L3MBTL1: variants seen among roughly 807,000 people sequenced by gnomAD.
L3MBTL1 encodes lethal(3)malignant brain tumor-like protein 1.
In L3MBTL1, 75 loss-of-function variants were observed where a neutral mutation model predicts 105.3. The ratio of observed to expected loss-of-function variants is 0.71; its 90% CI spans 0.59 to 0.86. The LOEUF (loss-of-function observed/expected upper bound fraction) is 0.86, where lower values mean the gene tolerates loss of function less well. Among genes scored for constraint, L3MBTL1 ranks in the 40% least tolerant of loss-of-function variants. L3MBTL1 has a pLI of 0.00. For synonymous variants in L3MBTL1, 452 were observed against 436.2 expected (o/e 1.04, Z -0.45); for missense variants, 1,069 against 1,126.4 (o/e 0.95, Z 0.73).
At chr20:43,549,541 C>A (rs1385886779) in exon 19 of L3MBTL1, 1 of 152,322 alleles carries the variant, frequency 6.6e-6, no homozygotes, top group African/African-American at 2.4e-5. Flanking sequence ...CCAGCTTCCA[C>A]TGAGTCACTG....
In L3MBTL1 at chr20:43,541,366, T is replaced by C. The variant is rs1274598805; in HGVS notation, c.*238T>C. 1.4e-6 allele frequency: 1 copy of C among 704,514 alleles called. No individual in the cohort carries two copies. Among genetic ancestry groups the C allele is most frequent in the South Asian group, 2.1e-5 (1 of 47,662 alleles). The allele number at this position is 704,514 out of a possible 1,614,324, so 43.6% of individuals were successfully genotyped here. ...AGCCTACATCTTCTTGTCTGTAAAATGGAGATAAAATGGGTTTAATGAGGT... is the reference window on the plus strand; with the variant it reads ...AGCCTACATCTTCTTGTCTGTAAAACGGAGATAAAATGGGTTTAATGAGGT... On this transcript the variant is annotated 3_prime_UTR_variant, in exon 22 of 22. Coordinates refer to ENST00000418998, the MANE Select transcript of L3MBTL1 (RefSeq NM_001377303.1).
At chr20:43,548,255 G>C in exon 19 of L3MBTL1, 2 of 1,302,376 alleles carry the variant, frequency 1.5e-6, no homozygotes, top group South Asian at 1.2e-5. Flanking sequence ...ACTGGCCCAG[G>C]GCTGGGCCCT....
chr20:43,537,571 T>C (rs75426927), intron 19 of L3MBTL1, among the ~76,000 whole-genome samples: 179 of 152,292 alleles, frequency 1.2e-3, no homozygotes, highest in African/African-American at 3.9e-3. Flanking sequence ...CTTCAGCATA[T>C]GAATTTTGCG....
chr20:43,545,541 G>C (rs1331141405), downstream of L3MBTL1, among the ~76,000 whole-genome samples: 1 of 152,164 alleles, frequency 6.6e-6, no homozygotes, highest in African/African-American at 2.4e-5. Flanking sequence ...CAGTGTCTCA[G>C]GCAAGCAGTA....
chr20:43,513,722 G>A (rs1274270341), intron 2 of L3MBTL1, 83 bp downstream of exon 2: 3 of 1,544,284 alleles, frequency 1.9e-6, no homozygotes, highest in South Asian at 2.4e-5. Context: ...GAGAGGGGAT[G>A]ACCGTTTTCA....
chr20:43,547,605 GC>G, intron 18 of L3MBTL1, among the ~76,000 whole-genome samples: 1 of 152,136 alleles, frequency 6.6e-6, no homozygotes, highest in South Asian at 2.1e-4. Flanking sequence ...GTCTCCCCCT[GC>G]CCCCCTCTGC....
chr20:43,520,034 C>T lies in L3MBTL1; in HGVS notation c.862+3857C>T, dbSNP rs528662287. On this transcript the variant is annotated intron_variant, in intron 7 of 21. Coordinates refer to ENST00000418998, the MANE Select transcript of L3MBTL1 (RefSeq NM_001377303.1). ...CAGAGTTCTGTAACCATCACCAAAA[C>T]ATTTCCATCACTCCCAAAAGAAGTC... is the stretch of plus-strand genomic sequence containing the variant. 2.0e-5 allele frequency among the ~76,000 whole-genome samples: 3 copies of T among 152,226 alleles called. No individual in the cohort carries two copies. The South Asian group carries it at 6.2e-4, about 32-fold the overall frequency.
rs1176856356 is a variant in L3MBTL1, at chr20:43,522,457, G to GTTTTTTTTTTTTTTT, written c.863-6183_863-6169dup. Among the ~76,000 whole-genome samples, 32 of 95,872 alleles carry GTTTTTTTTTTTTTTT rather than the reference G, an allele frequency of 3.3e-4. 7 individuals carry two copies. Among genetic ancestry groups the GTTTTTTTTTTTTTTT allele is most frequent in the East Asian group, 1.9e-3 (5 of 2,654 alleles). 62.9% of individuals were successfully genotyped at this position (95,872 alleles called of 152,430 possible). A position where few individuals can be genotyped will look rare whatever the true frequency, so the allele number is the denominator to read the frequency against. Reference sequence around the variant, plus strand: ...TGGTAACTGAATTTTTCCCTGCTAAGTTTTTTTTTTTTTTTTTTTTTTTTT... The same window carrying GTTTTTTTTTTTTTTT: ...TGGTAACTGAATTTTTCCCTGCTAAGTTTTTTTTTTTTTTTTTTTTTTTTTTTTTTTTTTTTTTTT... On this transcript the variant is annotated intron_variant, in intron 7 of 21. Coordinates refer to ENST00000418998, the MANE Select transcript of L3MBTL1 (RefSeq NM_001377303.1).
At chr20:43,512,490 C>A (rs1336212349) in intron 1 of L3MBTL1, among the ~76,000 whole-genome samples, 1 of 152,200 alleles carries the variant, frequency 6.6e-6, no homozygotes, top group African/African-American at 2.4e-5. Context: ...GGACTACAGG[C>A]ATGCACCACT....
At chr20:43,525,035 A>T (rs574758134) in intron 7 of L3MBTL1, among the ~76,000 whole-genome samples, 1 of 152,232 alleles carries the variant, frequency 6.6e-6, no homozygotes, top group Admixed American at 6.5e-5. Flanking sequence ...AAGCAAGGAC[A>T]GTAAATGTGG....
chr20:43,536,535 G>A, intron 19 of L3MBTL1, 77 bp downstream of exon 19: 1 of 1,523,718 alleles, frequency 6.6e-7, no homozygotes, highest in South Asian at 1.1e-5. Flanking sequence ...GGTGGGATGA[G>A]ACAGATTTCC....
intron 6 of L3MBTL1, 63 bp from the exon 7 acceptor site, chr20:43,516,030 G>T: frequency 7.7e-7 from 1 of 1,300,470 alleles, no homozygotes; most frequent in South Asian, 1.2e-5. Flanking sequence ...GCCAGGATCA[G>T]ACCCTAGGGC....
At position 43,533,942 on chromosome 20, in the gene L3MBTL1, C is replaced by T. The variant is rs568504809; in HGVS notation, c.1514-66C>T. The T allele has an allele frequency of 1.3e-5, 15 of 1,133,660 alleles. No homozygotes were observed. In the Admixed American group the frequency reaches 2.0e-4, roughly 15 times the overall value. 70.2% of individuals were successfully genotyped at this position (1,133,660 alleles called of 1,614,324 possible). A position where few individuals can be genotyped will look rare whatever the true frequency, so the allele number is the denominator to read the frequency against. Reference sequence around the variant, plus strand: ...TGTCCCTTCCATGTTCCTGGTCCTGCTTGGGGGCAGAGGGCTTCCGCAGTA... The same window carrying T: ...TGTCCCTTCCATGTTCCTGGTCCTGTTTGGGGGCAGAGGGCTTCCGCAGTA... On this transcript the variant is annotated intron_variant, in intron 13 of 21. Coordinates refer to ENST00000418998, the MANE Select transcript of L3MBTL1 (RefSeq NM_001377303.1).
downstream of L3MBTL1, among the ~76,000 whole-genome samples, chr20:43,543,366 G>A (rs1431145730): frequency 1.3e-5 from 2 of 152,202 alleles, no homozygotes; most frequent in Non-Finnish European, 2.9e-5. Context: ...GTCTTCGAAT[G>A]TAGTTGTTCA....
chr20:43,533,343 T>G lies in L3MBTL1; in HGVS notation c.1438T>G (p.Cys480Gly), dbSNP rs2019437276. Residue 480 changes from cysteine to glycine, a missense_variant and splice_region_variant, in exon 13 of 22, where the codon TGT becomes GGT. Physicochemically the swap from Cys to Gly is radical, Grantham distance 159. Coordinates refer to ENST00000418998, the MANE Select transcript of L3MBTL1 (RefSeq NM_001377303.1). ...CAGTGACATGTTCTTGGATTTCAGG[T>G]GTGATCCCAGCAGCCCCTACATCCA... ...DNWDDTYDYWCDPSSPYIHPV... is the reference protein window; with the variant it reads ...DNWDDTYDYWGDPSSPYIHPV... 2.5e-6 allele frequency: 4 copies of G among 1,613,588 alleles called. No homozygotes were observed. Among genetic ancestry groups the G allele is most frequent in the Non-Finnish European group, 3.4e-6 (4 of 1,179,784 alleles).
At chr20:43,522,457 GTTTTTTT>G (rs1176856356) in intron 7 of L3MBTL1, among the ~76,000 whole-genome samples, 11 of 95,890 alleles carry the variant, frequency 1.1e-4, no homozygotes, top group East Asian at 7.5e-4. Context: ...TCCCTGCTAA[GTTTTTTT>G]TTTTTTTTTT....
At chr20:43,539,749 T>G in intron 19 of L3MBTL1, 1 of 289,330 alleles carries the variant, frequency 3.5e-6, no homozygotes, top group South Asian at 3.4e-5. Flanking sequence ...AGAAGAAGAG[T>G]AAACAGAGTG....
In L3MBTL1 at chr20:43,515,567, G is replaced by A. The variant is rs2018346766; in HGVS notation, c.777+152G>A. 4.3e-6 allele frequency: 4 copies of A among 924,318 alleles called. No homozygotes were observed. The South Asian group carries it at 7.0e-5, about 16-fold the overall frequency. 57.3% of individuals were successfully genotyped at this position (924,318 alleles called of 1,614,324 possible). On this transcript the variant is annotated intron_variant, in intron 6 of 21. Transcript: ENST00000418998. Reference sequence around the variant, plus strand: ...TATTTTGGGGTCCCATCCTGAGTTAGGTCCTATACCTGGTTAAAGGGAAAT... The same window carrying A: ...TATTTTGGGGTCCCATCCTGAGTTAAGTCCTATACCTGGTTAAAGGGAAAT...
At chr20:43,522,718 C>T (rs192790787) in intron 7 of L3MBTL1, among the ~76,000 whole-genome samples, 8 of 151,168 alleles carry the variant, frequency 5.3e-5, no homozygotes, top group Admixed American at 2.0e-4. Context: ...GCTGTCCGTC[C>T]GCCTTGGCCT....
Sources: gnomAD v4.1 joint callset for allele counts (sites outside exome capture counted in the v4.1 genomes callset) on GRCh38, gnomAD v4.1.1 for gene constraint, MANE v1.5 for transcripts, NCBI Gene and HGNC (gene_info 2026-07-23, HGNC 2026-07-21) for gene names.